KCNAB1: variants seen among roughly 807,000 people sequenced by gnomAD.
KCNAB1 encodes voltage-gated potassium channel subunit beta-1.
A neutral mutation model predicts 64.6 loss-of-function variants in KCNAB1; 35 were observed. The ratio of observed to expected loss-of-function variants is 0.54; its 90% confidence interval spans 0.41 to 0.72. KCNAB1 has a LOEUF of 0.72. Ranked by LOEUF, KCNAB1 falls within the 30% of genes least tolerant of loss-of-function variation. KCNAB1 has a pLI of 0.00. For missense variants in KCNAB1, 401 were observed against 512.9 expected (o/e 0.78, Z 2.11); for synonymous variants, 177 against 183.8 (o/e 0.96, Z 0.30).
chr3:156,340,170 A>C (rs1320831827), intron 1 of KCNAB1, among the ~76,000 whole-genome samples: 2 of 152,174 alleles, frequency 1.3e-5, no homozygotes, highest in East Asian at 3.9e-4. Flanking sequence ...CCTACCCCTC[A>C]GTATCCTTTC....
At chr3:156,394,511 A>G (rs1713280718) in intron 1 of KCNAB1, among the ~76,000 whole-genome samples, 1 of 152,208 alleles carries the variant, frequency 6.6e-6, no homozygotes, top group Non-Finnish European at 1.5e-5. Flanking sequence ...GACTTGTGCA[A>G]GGGAGGCAGC....
intron 4 of KCNAB1, among the ~76,000 whole-genome samples, chr3:156,458,838 G>A (rs1452590064): frequency 3.3e-5 from 5 of 152,112 alleles, no homozygotes; most frequent in Non-Finnish European, 2.9e-5. Flanking sequence ...ATTGATTGTC[G>A]GTCTATAATT....
intron 13 of KCNAB1, among the ~76,000 whole-genome samples, chr3:156,533,849 G>T (rs112080502): frequency 9.9e-5 from 15 of 152,262 alleles, no homozygotes; most frequent in African/African-American, 3.6e-4. Flanking sequence ...CCTAGGGATG[G>T]CATATGAGGC....
chr3:156,303,872 A>G (rs912685148), intron 1 of KCNAB1, among the ~76,000 whole-genome samples: 5 of 152,192 alleles, frequency 3.3e-5, no homozygotes, highest in African/African-American at 9.7e-5. Context: ...AACAATGAAA[A>G]TGTTGGTTCA....
rs761634889 is a variant in KCNAB1, at chr3:156,270,658, G to GT, written c.275+149774dup. On this transcript the variant is annotated intron_variant, in intron 1 of 13. Coordinates refer to ENST00000490337, the MANE Select transcript of KCNAB1 (RefSeq NM_172160.3). ...ATATGCCATTGCGCTGTCTTGAAAAGTTCTCGTAGTTATTATTTTTAACCA... is the reference window on the plus strand; with the variant it reads ...ATATGCCATTGCGCTGTCTTGAAAAGTTTCTCGTAGTTATTATTTTTAACCA... Among the ~76,000 whole-genome samples, 6 of 152,216 alleles carry GT rather than the reference G, an allele frequency of 3.9e-5. No homozygotes were observed. In the South Asian group the frequency reaches 1.0e-3, roughly 26 times the overall value.
In KCNAB1 at chr3:156,199,363, A is replaced by T. The variant is rs138203754; in HGVS notation, c.275+78477A>T. Among the ~76,000 whole-genome samples, 400 of 152,198 alleles carry T rather than the reference A, an allele frequency of 2.6e-3. 1 individual carries two copies. The highest frequency in any genetic ancestry group is 8.9e-3 in the African/African-American group (368 of 41,538). ...TATTTCCTGAATTTGAATGTTGGTCACCTTGCTAGGCTGGAGAAGTTCTCC... is the reference window on the plus strand; with the variant it reads ...TATTTCCTGAATTTGAATGTTGGTCTCCTTGCTAGGCTGGAGAAGTTCTCC... On this transcript the variant is annotated intron_variant, in intron 1 of 13. Transcript: ENST00000490337.
intron 1 of KCNAB1, among the ~76,000 whole-genome samples, chr3:156,344,495 G>A (rs1724347201): frequency 6.6e-6 from 1 of 152,188 alleles, no homozygotes; most frequent in Admixed American, 6.5e-5. Context: ...TCTGCTCAGC[G>A]CACAGCTGAG....
chr3:156,250,593 T>C (rs1009445848), intron 1 of KCNAB1, among the ~76,000 whole-genome samples: 1 of 152,194 alleles, frequency 6.6e-6, no homozygotes, highest in African/African-American at 2.4e-5. Context: ...GAAGACATTC[T>C]CTTTTTTTAC....
At chr3:156,486,178 C>T (rs1336837482) in intron 8 of KCNAB1, among the ~76,000 whole-genome samples, 3 of 152,146 alleles carry the variant, frequency 2.0e-5, no homozygotes, top group Non-Finnish European at 4.4e-5. Flanking sequence ...GGATCCCTGC[C>T]TGTGTCCGCT....
chr3:156,318,130 TC>T (rs1722400544), intron 1 of KCNAB1, among the ~76,000 whole-genome samples: 1 of 151,964 alleles, frequency 6.6e-6, no homozygotes, highest in Non-Finnish European at 1.5e-5. Flanking sequence ...TGGGTGTCTT[TC>T]TTTCTTTCTT....
At chr3:156,204,578 C>T in intron 1 of KCNAB1, among the ~76,000 whole-genome samples, 1 of 151,432 alleles carries the variant, frequency 6.6e-6, no homozygotes, top group Non-Finnish European at 1.5e-5. Context: ...CACCTGTAAT[C>T]TCAGCACTTT....
intron 1 of KCNAB1, among the ~76,000 whole-genome samples, chr3:156,349,533 C>G (rs555138718): frequency 2.6e-5 from 4 of 152,100 alleles, no homozygotes; most frequent in African/African-American, 9.7e-5. Context: ...CCATTTCTAC[C>G]AATTCTCCAG....
At chr3:156,289,578 A>T (rs898417102) in intron 1 of KCNAB1, among the ~76,000 whole-genome samples, 3 of 152,174 alleles carry the variant, frequency 2.0e-5, no homozygotes, top group Non-Finnish European at 4.4e-5. Flanking sequence ...AGAGTACAAG[A>T]AGGGGTCCCA....
At chr3:156,193,253 C>A (rs958475612) in intron 1 of KCNAB1, among the ~76,000 whole-genome samples, 14 of 152,082 alleles carry the variant, frequency 9.2e-5, no homozygotes, top group African/African-American at 3.4e-4. Flanking sequence ...TTTGATGACA[C>A]AAAAACAATA....
chr3:156,171,187 G>GCACGCACACA (rs1553812698), intron 1 of KCNAB1, among the ~76,000 whole-genome samples: 11 of 142,816 alleles, frequency 7.7e-5, no homozygotes, highest in South Asian at 4.4e-4. Context: ...GAAACTTCAC[G>GCACGCACACA]CACACATACA....
At chr3:156,275,353 A>T (rs1399047402) in intron 1 of KCNAB1, among the ~76,000 whole-genome samples, 1 of 152,212 alleles carries the variant, frequency 6.6e-6, no homozygotes, top group Non-Finnish European at 1.5e-5. Context: ...TCTTTTTGTT[A>T]GTGGAGGGTC....
intron 1 of KCNAB1, among the ~76,000 whole-genome samples, chr3:156,294,341 C>A (rs1292864189): frequency 2.0e-5 from 3 of 152,132 alleles, no homozygotes; most frequent in African/African-American, 7.2e-5. Context: ...ATGTTCCAAG[C>A]CACTCTATCT....
At chr3:156,157,045 G>A (rs959991104) in intron 1 of KCNAB1, among the ~76,000 whole-genome samples, 4 of 152,076 alleles carry the variant, frequency 2.6e-5, no homozygotes, top group African/African-American at 9.7e-5. Context: ...TGGGGTGTCA[G>A]GATCAAACAA....
At chr3:156,164,984 T>G (rs1419454273) in intron 1 of KCNAB1, among the ~76,000 whole-genome samples, 4 of 152,128 alleles carry the variant, frequency 2.6e-5, no homozygotes, top group African/African-American at 9.7e-5. Flanking sequence ...AAGATCCTAA[T>G]GAAAGCAAAT....
Sources: allele counts gnomAD v4.1 joint callset (sites outside exome capture counted in the v4.1 genomes callset), GRCh38; gene constraint gnomAD v4.1.1; transcripts MANE v1.5; gene names NCBI Gene and HGNC (gene_info 2026-07-23, HGNC 2026-07-21).